WBP2NL: variants seen among roughly 807,000 people sequenced by gnomAD.
The protein encoded by WBP2NL is postacrosomal sheath WW domain-binding protein.
Under a neutral mutation model 23.3 loss-of-function variants are expected in WBP2NL, and 27 were observed. The observed-to-expected ratio is 1.16, with a 90% CI of 0.85 to 1.60. The LOEUF (loss-of-function observed/expected upper bound fraction) is 1.60, where lower values mean the gene tolerates loss of function less well. WBP2NL is among the 40% of genes most tolerant of loss of function. WBP2NL has a pLI of 0.00. For synonymous variants in WBP2NL, 151 were observed against 145.9 expected (o/e 1.03, Z -0.25); for missense variants, 370 against 389.5 (o/e 0.95, Z 0.42).
intron 8 of WBP2NL, among the ~76,000 whole-genome samples, chr22:42,040,385 G>A (rs573040795): frequency 4.6e-5 from 7 of 152,156 alleles, no homozygotes; most frequent in East Asian, 1.9e-4. Flanking sequence ...ACCACGCCTG[G>A]CTAATTTTTT....
chr22:41,999,382 G>C (rs1184690875), intron 1 of WBP2NL, among the ~76,000 whole-genome samples: 1 of 152,208 alleles, frequency 6.6e-6, no homozygotes, highest in Non-Finnish European at 1.5e-5. Context: ...GATCATTCTG[G>C]AAAGATCTCA....
intron 8 of WBP2NL, among the ~76,000 whole-genome samples, chr22:42,049,508 G>T (rs1056411320): frequency 2.6e-5 from 4 of 151,866 alleles, no homozygotes; most frequent in African/African-American, 9.7e-5. Context: ...GGCTAACACG[G>T]TGAAACCCCG....
chr22:42,034,361 G>A (rs374869311), downstream of WBP2NL, among the ~76,000 whole-genome samples: 338 of 152,338 alleles, frequency 2.2e-3, 1 homozygote, highest in African/African-American at 8.0e-3. Context: ...GACATCACAC[G>A]TTGGTAGGAT....
intron 8 of WBP2NL, among the ~76,000 whole-genome samples, chr22:42,053,922 G>GAGTCTAAAGTGTCTCTTAAA (rs1925933841): frequency 6.6e-6 from 1 of 151,934 alleles, no homozygotes; most frequent in South Asian, 2.1e-4. Context: ...TACAAATGCT[G>GAGTCTAAAGTGTCTCTTAAA]CATCCCATCC....
intron 1 of WBP2NL, among the ~76,000 whole-genome samples, chr22:42,015,805 C>T (rs1021838189): frequency 1.1e-4 from 17 of 152,114 alleles, no homozygotes; most frequent in African/African-American, 2.4e-5. Flanking sequence ...GAATCTAGCC[C>T]TGGACATGTA....
chr22:42,034,978 C>T (rs1015224273), downstream of WBP2NL, among the ~76,000 whole-genome samples: 6 of 152,148 alleles, frequency 3.9e-5, no homozygotes, highest in Non-Finnish European at 7.3e-5. Context: ...GTGTAGTTAA[C>T]GCAATTATTA....
chr22:42,014,883 T>G (rs1461033670), intron 1 of WBP2NL, among the ~76,000 whole-genome samples: 1 of 152,246 alleles, frequency 6.6e-6, no homozygotes, highest in African/African-American at 2.4e-5. Flanking sequence ...TTTTAGTTAT[T>G]TGGACATCAT....
At chr22:42,007,846 G>A (rs1462942106) in intron 1 of WBP2NL, among the ~76,000 whole-genome samples, 1 of 121,130 alleles carries the variant, frequency 8.3e-6, no homozygotes, top group African/African-American at 2.6e-5. Context: ...ATTGTGAATA[G>A]TGCTGCTATC....
chr22:41,999,343 T>C (rs1484683099), intron 1 of WBP2NL, among the ~76,000 whole-genome samples: 1 of 152,194 alleles, frequency 6.6e-6, no homozygotes, highest in Non-Finnish European at 1.5e-5. Context: ...TGTCGCTCTT[T>C]GGTAAGAGGG....
chr22:42,022,830 T>C (rs1240983524), intron 5 of WBP2NL, among the ~76,000 whole-genome samples: 1 of 152,194 alleles, frequency 6.6e-6, no homozygotes, highest in African/African-American at 2.4e-5. Flanking sequence ...TGCCTACTGG[T>C]GGGCCACCAA....
At chr22:41,999,256 T>C (rs915306951) in intron 1 of WBP2NL, among the ~76,000 whole-genome samples, 1 of 152,240 alleles carries the variant, frequency 6.6e-6, no homozygotes, top group Non-Finnish European at 1.5e-5. Flanking sequence ...GCAGCGTGGC[T>C]GCCCTTGGGT....
At chr22:42,050,947 TA>T (rs1029036721) in intron 8 of WBP2NL, among the ~76,000 whole-genome samples, 3 of 152,172 alleles carry the variant, frequency 2.0e-5, no homozygotes, top group Admixed American at 6.6e-5. Flanking sequence ...TCTTCCAAAC[TA>T]AATATACTCT....
intron 1 of WBP2NL, among the ~76,000 whole-genome samples, chr22:42,015,839 A>C (rs1186950634): frequency 6.6e-6 from 1 of 152,178 alleles, no homozygotes; most frequent in Non-Finnish European, 1.5e-5. Flanking sequence ...CTTGTTTCTC[A>C]GGAATATGTG....
At chr22:42,050,838 TG>T in intron 8 of WBP2NL, among the ~76,000 whole-genome samples, 1 of 152,334 alleles carries the variant, frequency 6.6e-6, no homozygotes, top group East Asian at 1.9e-4. Flanking sequence ...TCCAAAATGC[TG>T]ACAACACCAA....
At chr22:42,049,976 CAAAAA>C (rs34787117) in intron 8 of WBP2NL, among the ~76,000 whole-genome samples, 1 of 84,406 alleles carries the variant, frequency 1.2e-5, no homozygotes, top group Non-Finnish European at 2.4e-5. Flanking sequence ...GACTCCGTCT[CAAAAA>C]AAAAAAAAAA....
chr22:42,023,805 T>C (rs1008939054), intron 5 of WBP2NL, among the ~76,000 whole-genome samples: 6 of 151,172 alleles, frequency 4.0e-5, no homozygotes, highest in African/African-American at 1.5e-4. Flanking sequence ...CCTGCCAGCC[T>C]TTTTTTTTAA....
intron 1 of WBP2NL, among the ~76,000 whole-genome samples, chr22:42,010,924 G>A (rs1202642957): frequency 1.3e-5 from 2 of 152,156 alleles, no homozygotes; most frequent in South Asian, 2.1e-4. Flanking sequence ...TTCATATGGT[G>A]TGTTACATTG....
chr22:42,018,672 A>G (rs1342323988), intron 1 of WBP2NL, among the ~76,000 whole-genome samples: 2 of 152,098 alleles, frequency 1.3e-5, no homozygotes, highest in African/African-American at 4.8e-5. Flanking sequence ...ACCAGCGTCA[A>G]AGAACCATTT....
intron 1 of WBP2NL, among the ~76,000 whole-genome samples, chr22:42,008,171 C>CCTTTCCTTTCCTTTCCT: frequency 7.1e-6 from 1 of 141,698 alleles, no homozygotes; most frequent in South Asian, 2.3e-4. Flanking sequence ...CCTTTCCTTT[C>CCTTTCCTTTCCTTTCCT]TCCCTCCCTT....
Sources: gnomAD v4.1 joint callset for allele counts (sites outside exome capture counted in the v4.1 genomes callset) on GRCh38, gnomAD v4.1.1 for gene constraint, MANE v1.5 for transcripts, NCBI Gene and HGNC (gene_info 2026-07-23, HGNC 2026-07-21) for gene names.